Variants in AKAP13 observed in about 807,000 individuals in gnomAD.
AKAP13 encodes A-kinase anchoring protein 13, also known as A-kinase anchor protein 13.
A neutral mutation model predicts 264.5 loss-of-function variants in AKAP13; 80 were observed. The ratio of observed to expected loss-of-function variants is 0.30; its 90% CI spans 0.25 to 0.36. AKAP13 has a LOEUF of 0.36. AKAP13 is among the 10% of genes least tolerant of loss of function. The pLI, the probability that AKAP13 is intolerant of heterozygous loss-of-function variation, is 1.00. For synonymous variants in AKAP13, 1,380 were observed against 1,250.2 expected, an observed-to-expected ratio of 1.10 and a Z score of -2.19; for missense variants, 3,712 against 3,435.2, an observed-to-expected ratio of 1.08 and a Z score of -2.01.
In AKAP13 at chr15:85,746,293, G is replaced by T. The variant is rs183535481; in HGVS notation, c.*1616G>T. 6.6e-6 allele frequency: 1 copy of T among 152,506 alleles called. No individual in the cohort carries two copies. Among genetic ancestry groups the T allele is most frequent in the Non-Finnish European group, 1.5e-5 (1 of 68,016 alleles). 9.4% of individuals were successfully genotyped at this position (152,506 alleles called of 1,614,324 possible). ...GTAGCCTACATTTGTTTTATTTATT[G>T]TATTTGTGTGTTTGTGTTTGTTTTT... On this transcript the variant is annotated 3_prime_UTR_variant, in exon 37 of 37. Coordinates refer to ENST00000394518, the MANE Select transcript of AKAP13 (RefSeq NM_007200.5).
chr15:85,399,268 G>A (rs922298344), intron 1 of AKAP13, among the ~76,000 whole-genome samples: 3 of 150,556 alleles, frequency 2.0e-5, no homozygotes, highest in African/African-American at 7.4e-5. Flanking sequence ...AGGCCGAGGC[G>A]GGTGGATCAT....
rs189542192 is a variant in AKAP13 at position 85,648,364 on chromosome 15, G to T, written c.4374+2410G>T. The stretch of plus-strand genomic sequence containing the variant: ...GGTGCATGACAGCTTGTGCCTGGAT[G>T]TTACCATCTCTGCAGACTCAGAGTT... On this transcript the variant is annotated intron_variant, in intron 10 of 36. Coordinates refer to ENST00000394518, the MANE Select transcript of AKAP13 (RefSeq NM_007200.5). 5.6e-4 allele frequency among the ~76,000 whole-genome samples: 86 copies of T among 152,336 alleles called. 1 individual carries two copies. The highest frequency in any genetic ancestry group is 2.0e-3 in the African/African-American group (82 of 41,580).
chr15:85,679,347 G>A (rs1262227891), intron 14 of AKAP13, among the ~76,000 whole-genome samples: 2 of 152,030 alleles, frequency 1.3e-5, no homozygotes, highest in Non-Finnish European at 2.9e-5. Flanking sequence ...CTAAAAATAC[G>A]GAAGCTTGCA....
At position 85,740,246 on chromosome 15, in the gene AKAP13, C is replaced by T. The variant is rs1222923297; in HGVS notation, c.7582C>T (p.Leu2528Phe). ...GCAGGTTGTCCAGAGCGTTGTTCATCTCTACGAGCTCCTCAGCGCTCTGCA... is the reference window on the plus strand; with the variant it reads ...GCAGGTTGTCCAGAGCGTTGTTCATTTCTACGAGCTCCTCAGCGCTCTGCA... ...SEQVVQSVVHLYELLSALQGV... is the reference protein window; with the variant it reads ...SEQVVQSVVHFYELLSALQGV... The change falls in exon 34 of 37, where the codon CTC becomes TTC. Residue 2528 changes from leucine to phenylalanine, a missense_variant. Coordinates refer to ENST00000394518, the MANE Select transcript of AKAP13 (RefSeq NM_007200.5). 6.2e-7 allele frequency: 1 copy of T among 1,614,102 alleles called. No individual in the cohort carries two copies. Among genetic ancestry groups the T allele is most frequent in the Non-Finnish European group, 8.5e-7 (1 of 1,180,036 alleles).
chr15:85,435,817 C>T (rs201834534), intron 1 of AKAP13, among the ~76,000 whole-genome samples: 13,362 of 149,232 alleles, frequency 0.09, 817 homozygotes, highest in East Asian at 0.3. Context: ...CTGAAGGAAG[C>T]GCTAAACGTG....
intron 8 of AKAP13, among the ~76,000 whole-genome samples, chr15:85,608,538 G>A (rs1048010253): frequency 1.3e-5 from 2 of 152,202 alleles, no homozygotes; most frequent in African/African-American, 4.8e-5. Context: ...ACACCATAGA[G>A]TCAGCAAGGC....
intron 29 of AKAP13, among the ~76,000 whole-genome samples, chr15:85,729,836 T>A (rs1250846688): frequency 1.3e-5 from 2 of 152,150 alleles, no homozygotes; most frequent in African/African-American, 2.4e-5. Context: ...CTTAGGAGGC[T>A]GAGGCAGGAG....
chr15:85,585,608 A>G, intron 7 of AKAP13, 94 bp from the exon 8 acceptor site: 1 of 1,559,714 alleles, frequency 6.4e-7, no homozygotes, highest in Non-Finnish European at 8.7e-7. Flanking sequence ...CAAAAGCAAA[A>G]CAAAACACAT....
At position 85,582,131 on chromosome 15, in the gene AKAP13, T is replaced by A. The variant is rs764627958; in HGVS notation, c.4039+24T>A. ...AGGTAAGCAAAACATAATACAAAAT[T>A]AACAGTCTGAGAAGCAGATTCCCTT... is the stretch of plus-strand genomic sequence containing the variant. On this transcript the variant is annotated intron_variant, in intron 7 of 36. Coordinates refer to ENST00000394518, the MANE Select transcript of AKAP13 (RefSeq NM_007200.5). 1.9e-6 allele frequency: 3 copies of A among 1,549,950 alleles called. No homozygotes were observed. In the East Asian group the frequency reaches 6.7e-5, roughly 35 times the overall value.
chr15:85,403,718 G>T (rs986342870), intron 1 of AKAP13, among the ~76,000 whole-genome samples: 2 of 151,922 alleles, frequency 1.3e-5, no homozygotes, highest in African/African-American at 4.8e-5. Flanking sequence ...GCGCATGTCT[G>T]TAATCCCAGC....
rs553554573 is a variant in AKAP13, at chr15:85,526,359, A to G, written c.181+4784A>G. On this transcript the variant is annotated intron_variant, in intron 3 of 36. Coordinates refer to ENST00000394518, the MANE Select transcript of AKAP13 (RefSeq NM_007200.5). The stretch of plus-strand genomic sequence containing the variant: ...ATTGCAGGCTTGACTTCCCAGGCTG[A>G]AGTTATTCTTATACCTCAGCCTCCC... 3.0e-4 allele frequency among the ~76,000 whole-genome samples: 46 copies of G among 152,082 alleles called. 1 individual carries two copies. Among genetic ancestry groups the G allele is most frequent in the African/African-American group, 1.1e-3 (44 of 41,460 alleles).
intron 1 of AKAP13, among the ~76,000 whole-genome samples, chr15:85,420,332 A>G (rs1284666896): frequency 6.6e-6 from 1 of 151,844 alleles, no homozygotes; most frequent in African/African-American, 2.4e-5. Context: ...TTGTCTGCTG[A>G]GCTGCAAAAC....
chr15:85,729,127 C>T (rs560712531), intron 29 of AKAP13, among the ~76,000 whole-genome samples: 299 of 152,046 alleles, frequency 2.0e-3, no homozygotes, highest in African/African-American at 6.9e-3. Flanking sequence ...GGTGAAACCC[C>T]ATCTCTACTA....
At chr15:85,643,274 T>TC (rs34996978) in intron 9 of AKAP13, among the ~76,000 whole-genome samples, 5 of 151,794 alleles carry the variant, frequency 3.3e-5, no homozygotes, top group African/African-American at 1.2e-4. Context: ...GTAAACTGCT[T>TC]CCCCCCCAAC....
chr15:85,432,427 G>A (rs993446933), intron 1 of AKAP13, among the ~76,000 whole-genome samples: 8 of 151,908 alleles, frequency 5.3e-5, no homozygotes, highest in African/African-American at 1.9e-4. Context: ...GCAGAAAGTG[G>A]TTTGTAAAAT....
chr15:85,407,375 G>A (rs957912501), intron 1 of AKAP13, among the ~76,000 whole-genome samples: 1 of 151,434 alleles, frequency 6.6e-6, no homozygotes, highest in African/African-American at 2.5e-5. Context: ...CTACAGGCAT[G>A]CGCTGCCATG....
intron 23 of AKAP13, among the ~76,000 whole-genome samples, chr15:85,720,345 A>G (rs1304031050): frequency 6.6e-6 from 1 of 152,136 alleles, no homozygotes; most frequent in African/African-American, 2.4e-5. Flanking sequence ...TCATGTGTCT[A>G]AAAACCAGCT....
At chr15:85,742,151 G>A (rs1200937985) in intron 35 of AKAP13, among the ~76,000 whole-genome samples, 2 of 152,248 alleles carry the variant, frequency 1.3e-5, no homozygotes, top group African/African-American at 4.8e-5. Context: ...GAGAATGGAA[G>A]TGCTGGGGCA....
chr15:85,741,310 GAGGTGCAGC>G lies in AKAP13; in HGVS notation c.7877_7885del (p.Val2626_Gln2628del). 1.2e-6 allele frequency: 2 copies of G among 1,612,850 alleles called. No individual in the cohort carries two copies. Among genetic ancestry groups the G allele is most frequent in the Non-Finnish European group, 1.7e-6 (2 of 1,179,524 alleles). On this transcript the variant is annotated inframe_deletion, in exon 35 of 37. Coordinates refer to ENST00000394518, the MANE Select transcript of AKAP13 (RefSeq NM_007200.5). ...GGCCCTCCTGGCCCAGCGCGAGGAG[GAGGTGCAGC>G]AGGGGCAGCAGGACCTGGAAAAGGA...
Sources: gnomAD v4.1 joint callset for allele counts (sites outside exome capture counted in the v4.1 genomes callset) on GRCh38, gnomAD v4.1.1 for gene constraint, MANE v1.5 for transcripts, NCBI Gene and HGNC (gene_info 2026-07-23, HGNC 2026-07-21) for gene names.